RIC1: variants seen among roughly 807,000 people sequenced by gnomAD.
The protein encoded by RIC1 is RIC1 partner of RAB6A GEF complex.
In RIC1, 88 loss-of-function variants were observed where a neutral mutation model predicts 169.0. The ratio of observed to expected loss-of-function variants is 0.52; its 90% confidence interval spans 0.44 to 0.62. The LOEUF (loss-of-function observed/expected upper bound fraction) is 0.62, where lower values mean the gene tolerates loss of function less well. Ranked by LOEUF, RIC1 falls within the 20% of genes least tolerant of loss-of-function variation. The probability of loss-of-function intolerance (pLI) is 0.00; values close to 1 mark genes in which losing one functional copy is unlikely to be tolerated. For missense variants in RIC1, 1,877 were observed against 1,725.5 expected (o/e 1.09, Z -1.56); for synonymous variants, 790 against 601.5 (o/e 1.31, Z -4.59).
Position 5,772,626 on chromosome 9 carries a change from G to T in RIC1, c.3679G>T (p.Asp1227Tyr). The T allele has an allele frequency of 6.2e-7, 1 of 1,613,910 alleles. No homozygotes were observed. Among genetic ancestry groups the T allele is most frequent in the Middle Eastern group, 1.7e-4 (1 of 6,060 alleles). Reference protein sequence around the residue: ...LTESSSMVDGDWTMVDENFST... With the variant: ...LTESSSMVDGYWTMVDENFST... Reference sequence around the variant, plus strand: ...TGAAAGTAGCTCCATGGTGGATGGCGACTGGACAATGGTGGATGAAAATTT... The same window carrying T: ...TGAAAGTAGCTCCATGGTGGATGGCTACTGGACAATGGTGGATGAAAATTT... The change falls in exon 24 of 26, where the codon GAC (aspartate) becomes TAC (tyrosine). Residue 1227 changes from aspartate (D) to tyrosine (Y), a missense_variant. By Grantham distance (160) the Asp-to-Tyr change is radical. Transcript: ENST00000414202.
chr9:5,744,167 A>G (rs1419793076), intron 10 of RIC1, among the ~76,000 whole-genome samples: 2 of 151,854 alleles, frequency 1.3e-5, no homozygotes. Flanking sequence ...CATTTTGTTT[A>G]GATGTGGCCA....
chr9:5,692,486 A>G (rs1043712825), intron 3 of RIC1, among the ~76,000 whole-genome samples: 1 of 152,042 alleles, frequency 6.6e-6, no homozygotes, highest in Non-Finnish European at 1.5e-5. Context: ...ATATACATAT[A>G]TATCTACTTG....
intron 25 of RIC1, among the ~76,000 whole-genome samples, chr9:5,773,475 G>T (rs1441780245): frequency 3.3e-5 from 5 of 152,126 alleles, no homozygotes; most frequent in Admixed American, 2.6e-4. Context: ...ACATTCCATG[G>T]CAGTTACAAG....
intron 2 of RIC1, among the ~76,000 whole-genome samples, chr9:5,676,485 T>C (rs960705834): frequency 1.3e-5 from 2 of 152,190 alleles, no homozygotes; most frequent in African/African-American, 4.8e-5. Flanking sequence ...TAGATACTTT[T>C]ATATTCCCAT....
chr9:5,697,712 A>C (rs1436230875), intron 3 of RIC1, among the ~76,000 whole-genome samples: 1 of 152,228 alleles, frequency 6.6e-6, no homozygotes, highest in East Asian at 1.9e-4. Flanking sequence ...TCTTAGTCCC[A>C]GAATTTACAT....
chr9:5,753,685 T>A (rs745372289), intron 14 of RIC1, 39 bp downstream of exon 14: 8 of 1,075,078 alleles, frequency 7.4e-6, no homozygotes, highest in Admixed American at 2.1e-5. Flanking sequence ...TTTCTCAAAG[T>A]ATAAGAGAAC....
chr9:5,701,592 T>TAA (rs113165668), intron 3 of RIC1, among the ~76,000 whole-genome samples: 1 of 143,796 alleles, frequency 7.0e-6, no homozygotes. Flanking sequence ...AGACTCCATT[T>TAA]AAAAAAAAAA....
chr9:5,766,605 T>G (rs954297304), intron 21 of RIC1, among the ~76,000 whole-genome samples: 1 of 152,220 alleles, frequency 6.6e-6, no homozygotes, highest in African/African-American at 2.4e-5. Flanking sequence ...ACATTTGGTT[T>G]TCCATTCCTG....
chr9:5,643,574 AATTAGC>A (rs200243589), intron 1 of RIC1, among the ~76,000 whole-genome samples: 1,753 of 152,280 alleles, frequency 0.012, 45 homozygotes, highest in African/African-American at 0.04. Flanking sequence ...TAAAAAGGGC[AATTAGC>A]CCTTTTTATG....
chr9:5,657,461 T>G (rs968120791), intron 2 of RIC1, among the ~76,000 whole-genome samples: 5 of 152,154 alleles, frequency 3.3e-5, no homozygotes, highest in Non-Finnish European at 7.4e-5. Flanking sequence ...CATTTAATCT[T>G]TAGATAAGTG....
chr9:5,691,458 A>G (rs539118149), intron 3 of RIC1, among the ~76,000 whole-genome samples: 10 of 152,100 alleles, frequency 6.6e-5, no homozygotes, highest in Non-Finnish European at 1.3e-4. Flanking sequence ...GGAAATCTTT[A>G]AAGTACAGAC....
chr9:5,637,980 G>C (rs1186999270), intron 1 of RIC1, among the ~76,000 whole-genome samples: 1 of 152,072 alleles, frequency 6.6e-6, no homozygotes, highest in Non-Finnish European at 1.5e-5. Flanking sequence ...TACTAGCTAT[G>C]GGTCTGTTAT....
chr9:5,665,388 C>T (rs181059411), intron 2 of RIC1, among the ~76,000 whole-genome samples: 50 of 152,286 alleles, frequency 3.3e-4, no homozygotes, highest in Admixed American at 3.9e-4. Context: ...AAAACTTGCT[C>T]CTTTAGCTCA....
At chr9:5,728,849 A>T (rs1048788035) in intron 6 of RIC1, among the ~76,000 whole-genome samples, 1 of 152,356 alleles carries the variant, frequency 6.6e-6, no homozygotes, top group South Asian at 2.1e-4. Flanking sequence ...GCTAATTAAT[A>T]TATGGATTTG....
intron 2 of RIC1, among the ~76,000 whole-genome samples, chr9:5,664,691 T>G (rs766124433): frequency 3.9e-5 from 6 of 152,214 alleles, no homozygotes; most frequent in Non-Finnish European, 8.8e-5. Flanking sequence ...TCCTGGATGA[T>G]ATCCTGAAAT....
intron 22 of RIC1, chr9:5,769,613 A>T: frequency 2.1e-6 from 1 of 469,198 alleles, no homozygotes; most frequent in Non-Finnish European, 3.6e-6. Context: ...GACAGAACTC[A>T]TTCCAGGGGA....
intron 3 of RIC1, among the ~76,000 whole-genome samples, chr9:5,700,550 A>G (rs1481242660): frequency 6.6e-6 from 1 of 151,780 alleles, no homozygotes; most frequent in Non-Finnish European, 1.5e-5. Context: ...CTTACAAATT[A>G]AATTCTCTTA....
At chr9:5,715,246 T>C (rs143975630) in intron 4 of RIC1, among the ~76,000 whole-genome samples, 37 of 152,296 alleles carry the variant, frequency 2.4e-4, no homozygotes, top group African/African-American at 8.2e-4. Flanking sequence ...TGAGTGTCTG[T>C]AGGTACCAAG....
In RIC1 at chr9:5,716,921, C is replaced by G. The variant is rs534829609; in HGVS notation, c.440+2918C>G. 6.4e-4 allele frequency among the ~76,000 whole-genome samples: 97 copies of G among 152,338 alleles called. 1 individual carries two copies. Among genetic ancestry groups the G allele is most frequent in the South Asian group, 6.2e-3 (30 of 4,830 alleles). ...TCCTGGGCTCAAGCATTCCTCCTGC[C>G]TCAGCCTCCTAGTAGCTGGGATTAT... On this transcript the variant is annotated intron_variant, in intron 4 of 25. Coordinates refer to ENST00000414202, the MANE Select transcript of RIC1 (RefSeq NM_020829.4).
Sources: gnomAD v4.1 joint callset for allele counts (sites outside exome capture counted in the v4.1 genomes callset) on GRCh38, gnomAD v4.1.1 for gene constraint, MANE v1.5 for transcripts, NCBI Gene and HGNC (gene_info 2026-07-23, HGNC 2026-07-21) for gene names.